TNIP2: variants seen among roughly 807,000 people sequenced by gnomAD.
The protein encoded by TNIP2 is TNFAIP3-interacting protein 2.
A neutral mutation model predicts 43.7 loss-of-function variants in TNIP2; 30 were observed. The observed-to-expected ratio is 0.69, with a 90% CI of 0.51 to 0.93. TNIP2 has a LOEUF of 0.93. Among genes scored for constraint, TNIP2 ranks in the 40% least tolerant of loss-of-function variants. TNIP2 has a pLI of 0.00. For missense variants in TNIP2, 599 were observed against 591.0 expected (o/e 1.01, Z -0.14); for synonymous variants, 260 against 254.6 (o/e 1.02, Z -0.20).
In TNIP2 at chr4:2,742,295, C is replaced by G. The variant is rs999984417; in HGVS notation, c.1252G>C (p.Glu418Gln). The G allele has an allele frequency of 6.6e-7, 1 of 1,516,892 alleles. No homozygotes were observed. Among genetic ancestry groups the G allele is most frequent in the South Asian group, 1.3e-5 (1 of 78,050 alleles). 94.0% of individuals were successfully genotyped at this position (1,516,892 alleles called of 1,614,324 possible). ...CLQCFSDEQG[E>Q]ELLRHVAECC... ...TCAGCCACATGCCTGAGGAGCTCTTCCCCTTGCTCGTCACTGAAGCACTGC... is the reference window on the plus strand; with the variant it reads ...TCAGCCACATGCCTGAGGAGCTCTTGCCCTTGCTCGTCACTGAAGCACTGC... Residue 418 changes from glutamate (E) to glutamine (Q), a missense_variant, in exon 6 of 6, where the codon GAA (glutamate) becomes CAA (glutamine). By Grantham distance (29) the Glu-to-Gln change is conservative. Coordinates refer to ENST00000315423, the MANE Select transcript of TNIP2 (RefSeq NM_024309.4).
At chr4:2,742,607 A>C (rs1721825942) in intron 5 of TNIP2, 87 bp from the exon 6 acceptor site, 2 of 1,381,722 alleles carry the variant, frequency 1.4e-6, no homozygotes, top group East Asian at 5.2e-5. Context: ...GAGGCACTTC[A>C]CCTATCCCTG....
chr4:2,744,594 A>G lies in TNIP2; in HGVS notation c.907-88T>C, dbSNP rs756875145. The stretch of plus-strand genomic sequence containing the variant: ...CCCACCCCCACAGTGACCACTGCCC[A>G]CTCAGTGCCACCAAGCCTTCAGCCC... On this transcript the variant is annotated intron_variant, in intron 4 of 5. Transcript: ENST00000315423. This position sits in a 1 kb window ranked among gnomAD's most constrained non-coding sequence, Gnocchi z 5.1. 79 of 1,585,022 alleles carry G rather than the reference A, an allele frequency of 5.0e-5. No individual in the cohort carries two copies. Among genetic ancestry groups the G allele is most frequent in the Non-Finnish European group, 6.3e-5 (73 of 1,164,958 alleles).
chr4:2,742,282 C>G lies in TNIP2; in HGVS notation c.1265G>C (p.Arg422Thr). ...FSDEQGEELL[R>T]HVAECCQ ...TCACTGGCAGCACTCAGCCACATGCCTGAGGAGCTCTTCCCCTTGCTCGTC... is the reference window on the plus strand; with the variant it reads ...TCACTGGCAGCACTCAGCCACATGCGTGAGGAGCTCTTCCCCTTGCTCGTC... The change falls in exon 6 of 6, where the codon AGG (arginine) becomes ACG (threonine). Residue 422 changes from arginine to threonine, a missense_variant. Arg to Thr is a moderately conservative substitution (Grantham distance 71). Transcript: ENST00000315423. 1 of 1,505,820 alleles carries G rather than the reference C, an allele frequency of 6.6e-7. No individual in the cohort carries two copies. The highest frequency in any genetic ancestry group is 1.3e-5 in the South Asian group (1 of 75,632). The allele number at this position is 1,505,820 out of a possible 1,614,324, so 93.3% of individuals were successfully genotyped here. A position where few individuals can be genotyped will look rare whatever the true frequency, so the allele number is the denominator to read the frequency against.
At position 2,744,638 on chromosome 4, in the gene TNIP2, G is replaced by A. The variant is rs1287507432; in HGVS notation, c.906+59C>T. On this transcript the variant is annotated intron_variant, in intron 4 of 5. Transcript: ENST00000315423. The surrounding 1 kb of genome is among the most constrained non-coding windows in gnomAD (Gnocchi z 5.1). ...TCAGCCCAGCCTGTCCCATGATTTC[G>A]GCCACCACCGGCCAGCAGACATCTG... The A allele has an allele frequency of 2.5e-6, 4 of 1,582,116 alleles. No homozygotes were observed. Among genetic ancestry groups the A allele is most frequent in the East Asian group, 2.2e-5 (1 of 44,606 alleles).
Position 2,744,840 on chromosome 4 carries a change from C to A in TNIP2, c.763G>T (p.Glu255Ter), listed in dbSNP as rs116412781. The change falls in exon 4 of 6, where the codon GAG becomes TAG. Residue 255 changes from glutamate (E) to a stop codon, truncating the protein, a stop_gained. Transcript: ENST00000315423. LOFTEE classifies it high-confidence loss of function. This position sits in a 1 kb window ranked among gnomAD's most constrained non-coding sequence, Gnocchi z 5.1. ...LRGLQIPHEPELMRKEISRLN... is the reference protein window; with the variant it reads ...LRGLQIPHEP ...CGGGAGATCTCCTTCCTCATCAGCT[C>A]GGGCTCGTGGGGGATCTGCAGCCCC... 6.2e-7 allele frequency: 1 copy of A among 1,613,968 alleles called. No individual in the cohort carries two copies. The highest frequency in any genetic ancestry group is 1.3e-5 in the African/African-American group (1 of 75,068).
intron 5 of TNIP2, among the ~76,000 whole-genome samples, chr4:2,742,796 G>A (rs1377282749): frequency 1.3e-5 from 2 of 152,168 alleles, no homozygotes; most frequent in African/African-American, 4.8e-5. Context: ...GGACCTATCG[G>A]CCCCAGGAGA....
At position 2,747,501 on chromosome 4, in the gene TNIP2, T is replaced by C. The variant is rs1038859888; in HGVS notation, c.567+154A>G. 3 of 767,408 alleles carry C rather than the reference T, an allele frequency of 3.9e-6. No homozygotes were observed. In the African/African-American group the frequency reaches 5.2e-5, roughly 13 times the overall value. 47.5% of individuals were successfully genotyped at this position (767,408 alleles called of 1,614,324 possible). A position where few individuals can be genotyped will look rare whatever the true frequency, so the allele number is the denominator to read the frequency against. ...TGTTCCATCATTTTAAAAGAAACCC[T>C]TGGATGAGTGAGCTTTGCCCCGTCA... is the stretch of plus-strand genomic sequence containing the variant. On this transcript the variant is annotated intron_variant, in intron 2 of 5. Transcript: ENST00000315423.
At chr4:2,747,502 TG>T (rs773876363) in intron 2 of TNIP2, 152 bp downstream of exon 2, 5 of 768,484 alleles carry the variant, frequency 6.5e-6, no homozygotes, top group Non-Finnish European at 8.5e-6. Flanking sequence ...AAGAAACCCT[TG>T]GATGAGTGAG....
Position 2,744,774 on chromosome 4 carries a change from C to T in TNIP2, c.829G>A (p.Glu277Lys), listed in dbSNP as rs753631024. 6.8e-6 allele frequency: 11 copies of T among 1,611,342 alleles called. No homozygotes were observed. The highest frequency in any genetic ancestry group is 4.5e-5 in the East Asian group (2 of 44,904). The change falls in exon 4 of 6, where the codon GAA becomes AAA. Residue 277 changes from glutamate to lysine, a missense_variant. Transcript: ENST00000315423. This position sits in a 1 kb window ranked among gnomAD's most constrained non-coding sequence, Gnocchi z 5.1. Reference sequence around the variant, plus strand: ...GAGGCCGCCAGCTCCTGCTTCACTTCGGCACAGTCATTTATTTTCTCTTCC... The same window carrying T: ...GAGGCCGCCAGCTCCTGCTTCACTTTGGCACAGTCATTTATTTTCTCTTCC... Reference protein sequence around the residue: ...QLEEKINDCAEVKQELAASRT... With the variant: ...QLEEKINDCAKVKQELAASRT...
chr4:2,745,241 G>A (rs577454791), intron 3 of TNIP2: 276 of 610,798 alleles, frequency 4.5e-4, no homozygotes, highest in Admixed American at 1.1e-3. Flanking sequence ...ACTGACTTGT[G>A]GATTAATTTT....
intron 1 of TNIP2, among the ~76,000 whole-genome samples, chr4:2,748,371 C>G (rs1722010429): frequency 6.6e-6 from 1 of 151,548 alleles, no homozygotes; most frequent in South Asian, 2.1e-4. Context: ...GAGACGGAGT[C>G]TCGCTCTGTC....
At chr4:2,754,720 T>C (rs58852067) in intron 1 of TNIP2, among the ~76,000 whole-genome samples, 12,657 of 152,194 alleles carry the variant, frequency 0.083, 1,059 homozygotes, top group African/African-American at 0.21. Context: ...CGGACCCTTG[T>C]GTCCATTTTT....
chr4:2,756,070 A>G lies in TNIP2; in HGVS notation c.220T>C (p.Phe74Leu). The change falls in exon 1 of 6, where the codon TTC (phenylalanine) becomes CTC (leucine). Residue 74 changes from phenylalanine (F) to leucine (L), a missense_variant. Transcript: ENST00000315423. ...VDALLEQVAR[F>L]REQLRRQEGG... is the part of the protein sequence containing the mutation. ...TCCTGCCTTCGCAGCTGCTCCCGGA[A>G]GCGCGCAACCTGCTCCAGCAGCGCG... 1 of 1,541,640 alleles carries G rather than the reference A, an allele frequency of 6.5e-7. No homozygotes were observed. The highest frequency in any genetic ancestry group is 1.2e-5 in the South Asian group (1 of 84,564).
At chr4:2,753,500 A>G (rs1337341589) in intron 1 of TNIP2, among the ~76,000 whole-genome samples, 1 of 152,220 alleles carries the variant, frequency 6.6e-6, no homozygotes, top group South Asian at 2.1e-4. Context: ...TTGGGAAGAC[A>G]GGACCAGGGC....
intron 1 of TNIP2, among the ~76,000 whole-genome samples, chr4:2,748,646 C>T (rs1158406284): frequency 7.4e-6 from 1 of 135,168 alleles, no homozygotes; most frequent in East Asian, 1.9e-4. Context: ...GCGTGAGCCA[C>T]CACGCCTGGC....
Position 2,756,162 on chromosome 4 carries a change from G to A in TNIP2, c.128C>T (p.Ala43Val). The change falls in exon 1 of 6, where the codon GCC becomes GTC. Residue 43 changes from alanine to valine, a missense_variant. Ala to Val is a moderately conservative substitution (Grantham distance 64, BLOSUM62 0). Transcript: ENST00000315423. ...RLQDQLAARD[A>V]LIARLRARLA... ...GCGGGCGCGGAGGCGAGCGATGAGG[G>A]CGTCGCGGGCAGCGAGCTGGTCCTG... The A allele has an allele frequency of 6.8e-7, 1 of 1,477,874 alleles. No homozygotes were observed. Among genetic ancestry groups the A allele is most frequent in the African/African-American group, 1.5e-5 (1 of 68,366 alleles). 91.5% of individuals were successfully genotyped at this position (1,477,874 alleles called of 1,614,324 possible). A position where few individuals can be genotyped will look rare whatever the true frequency, so the allele number is the denominator to read the frequency against.
Position 2,747,901 on chromosome 4 carries a change from C to T in TNIP2, c.321G>A (p.Glu107=), listed in dbSNP as rs1248041528. 5 of 1,613,508 alleles carry T rather than the reference C, an allele frequency of 3.1e-6. No homozygotes were observed. The highest frequency in any genetic ancestry group is 3.4e-6 in the Non-Finnish European group (4 of 1,180,036). Residue 107 remains glutamate, a synonymous_variant, in exon 2 of 6, where the codon GAG becomes GAA. Coordinates refer to ENST00000315423, the MANE Select transcript of TNIP2 (RefSeq NM_024309.4). ...GGGGCTGGCTCAGCAGCTGCTGCAT[C>T]TCCCTCTCTTTTTCTTCTAGTCGCT... The part of the protein sequence containing the change: ...LTERLEEKER[E]MQQLLSQPQH...
intron 5 of TNIP2, among the ~76,000 whole-genome samples, chr4:2,742,833 C>G (rs966730739): frequency 6.6e-6 from 1 of 152,190 alleles, no homozygotes; most frequent in Admixed American, 6.5e-5. Context: ...GCCCTGATGA[C>G]GTGGCCCACA....
intron 2 of TNIP2, among the ~76,000 whole-genome samples, chr4:2,746,534 T>C (rs538409582): frequency 1.3e-5 from 2 of 152,352 alleles, no homozygotes; most frequent in South Asian, 4.1e-4. Context: ...CTGTGTCCTC[T>C]CTGAGGTTCC....
Sources: allele counts gnomAD v4.1 joint callset (sites outside exome capture counted in the v4.1 genomes callset), GRCh38; gene constraint gnomAD v4.1.1; non-coding constraint Gnocchi (gnomAD v3.1); transcripts MANE v1.5; gene names NCBI Gene and HGNC (gene_info 2026-07-23, HGNC 2026-07-21).